The following PNPLA7 variants were observed in gnomAD, a reference collection of about 807,000 sequenced individuals.
The protein encoded by PNPLA7 is patatin-like phospholipase domain-containing protein 7.
Under a neutral mutation model 161.7 loss-of-function variants are expected in PNPLA7, and 153 were observed. The observed-to-expected ratio is 0.95, with a 90% CI of 0.83 to 1.08. The LOEUF (loss-of-function observed/expected upper bound fraction) is 1.08. PNPLA7 is among the 50% of genes least tolerant of loss of function. PNPLA7 has a pLI of 0.00. For synonymous variants in PNPLA7, 809 were observed against 782.1 expected, an observed-to-expected ratio of 1.03 and a Z score of -0.57; for missense variants, 1,739 against 1,856.6, an observed-to-expected ratio of 0.94 and a Z score of 1.16.
rs1835199296 is a variant in PNPLA7 at position 137,524,471 on chromosome 9, G to A, written c.748-1614C>T. On this transcript the variant is annotated intron_variant, in intron 8 of 34. Coordinates refer to ENST00000406427, the MANE Select transcript of PNPLA7 (RefSeq NM_001098537.3). The surrounding 1 kb of genome is among the most constrained non-coding windows in gnomAD (Gnocchi z 4.4). ...GTCTCCGTCCATTCAGCAGTCGAAG[G>A]ATATTTGTGTTGTTTCCACTGGGGA... is the stretch of plus-strand genomic sequence containing the variant. 6.6e-6 allele frequency among the ~76,000 whole-genome samples: 1 copy of A among 152,192 alleles called. No individual in the cohort carries two copies. The highest frequency in any genetic ancestry group is 1.5e-5 in the Non-Finnish European group (1 of 68,028).
chr9:137,513,676 A>G (rs1175776576), intron 12 of PNPLA7, among the ~76,000 whole-genome samples: 1 of 152,130 alleles, frequency 6.6e-6, no homozygotes, highest in East Asian at 1.9e-4. Context: ...GCCCATGGAC[A>G]AGAGGGAAGA....
At chr9:137,529,636 G>C (rs1021184766) in intron 8 of PNPLA7, among the ~76,000 whole-genome samples, 1 of 151,198 alleles carries the variant, frequency 6.6e-6, no homozygotes, top group African/African-American at 2.4e-5. Flanking sequence ...TCTGAGATTC[G>C]AGGTGAAGTT....
chr9:137,478,355 G>T (rs1003566577), intron 24 of PNPLA7: 11 of 400,532 alleles, frequency 2.7e-5, no homozygotes, highest in Admixed American at 4.5e-5. Context: ...CTCAGCTACT[G>T]GGGGGAGGAC....
At position 137,484,596 on chromosome 9, in the gene PNPLA7, T is replaced by C. The variant is rs779810540; in HGVS notation, c.2338A>G (p.Ser780Gly). Residue 780 changes from serine to glycine, a missense_variant, in exon 21 of 35, where the codon AGC becomes GGC. Ser to Gly is a moderately conservative substitution (Grantham distance 56). Around this residue, in one of 6 missense-constraint regions of PNPLA7, gnomAD observed 192 missense variants for 249.5 expected, o/e 0.77. Transcript: ENST00000406427. Reference protein sequence around the residue: ...AFALELEHALSAIGPTLLLTS... With the variant: ...AFALELEHALGAIGPTLLLTS... Reference sequence around the variant, plus strand: ...GGAGGCTCAGGCTTACCGATGGCGCTGAGGGCATGCTCCAGCTCCAGGGCG... The same window carrying C: ...GGAGGCTCAGGCTTACCGATGGCGCCGAGGGCATGCTCCAGCTCCAGGGCG... 95 of 1,607,836 alleles carry C rather than the reference T, an allele frequency of 5.9e-5. 3 individuals carry two copies. In the South Asian group the frequency reaches 1.0e-3, roughly 17 times the overall value.
At chr9:137,465,781 A>G (rs1329570523) in intron 26 of PNPLA7, among the ~76,000 whole-genome samples, 2 of 152,116 alleles carry the variant, frequency 1.3e-5, no homozygotes, top group Non-Finnish European at 2.9e-5. Flanking sequence ...GGAGAACACG[A>G]ACCCTTCTGA....
chr9:137,508,921 CAAA>C (rs1834056368), intron 12 of PNPLA7: 1 of 152,206 alleles, frequency 6.6e-6, no homozygotes, highest in African/African-American at 2.4e-5. Flanking sequence ...GGGCAAAAGA[CAAA>C]GAAGGCTATC....
rs1405925811 is a variant in PNPLA7, at chr9:137,517,172, C to T, written c.1085-1653G>A. Among the ~76,000 whole-genome samples, 6 of 140,180 alleles carry T rather than the reference C, an allele frequency of 4.3e-5. No individual in the cohort carries two copies. The South Asian group carries it at 1.2e-3, about 29-fold the overall frequency. 92.0% of individuals were successfully genotyped at this position (140,180 alleles called of 152,430 possible). A position where few individuals can be genotyped will look rare whatever the true frequency, so the allele number is the denominator to read the frequency against. On this transcript the variant is annotated intron_variant, in intron 11 of 34. Transcript: ENST00000406427. ...CACTCCACTCTGCTCACTCCATCCC[C>T]CACTCACTCACTCCACTCTGTCCAC...
chr9:137,480,221 G>T, intron 23 of PNPLA7, 91 bp downstream of exon 23: 1 of 1,466,250 alleles, frequency 6.8e-7, no homozygotes, highest in Non-Finnish European at 9.2e-7. Context: ...CTTTTTCTGA[G>T]TTTGTGCAGT....
In PNPLA7 at chr9:137,517,008, C is replaced by CCACTCACTCCACTCTGCTCACTCCATCCT. The variant is rs1564342570; in HGVS notation, c.1085-1490_1085-1489insAGGATGGAGTGAGCAGAGTGGAGTGAGTG. Among the ~76,000 whole-genome samples the CCACTCACTCCACTCTGCTCACTCCATCCT allele has an allele frequency of 3.2e-4, 36 of 112,694 alleles. 1 individual carries two copies. The highest frequency in any genetic ancestry group is 1.2e-3 in the African/African-American group (34 of 27,656). The allele number at this position is 112,694 out of a possible 152,430, so 73.9% of individuals were successfully genotyped here. A position where few individuals can be genotyped will look rare whatever the true frequency, so the allele number is the denominator to read the frequency against. On this transcript the variant is annotated intron_variant, in intron 11 of 34. Coordinates refer to ENST00000406427, the MANE Select transcript of PNPLA7 (RefSeq NM_001098537.3). ...CACTCAACTCTGTCCACTCCATCCCCCACTCACTCCACTCTGTCCACTCCA... is the reference window on the plus strand; with the variant it reads ...CACTCAACTCTGTCCACTCCATCCCCCACTCACTCCACTCTGCTCACTCCATCCTCACTCACTCCACTCTGTCCACTCCA...
At chr9:137,546,429 C>A (rs1333300594) in intron 4 of PNPLA7, among the ~76,000 whole-genome samples, 1 of 152,034 alleles carries the variant, frequency 6.6e-6, no homozygotes, top group Non-Finnish European at 1.5e-5. Context: ...ATCTTTTTGT[C>A]TTGTGTCTTT....
intron 23 of PNPLA7, chr9:137,479,571 C>T (rs933999980): frequency 1.9e-6 from 2 of 1,061,166 alleles, no homozygotes; most frequent in Non-Finnish European, 1.1e-6. Context: ...GCATCACTAG[C>T]TGCAGAACAG....
chr9:137,544,365 G>A (rs944505759), intron 4 of PNPLA7, among the ~76,000 whole-genome samples: 1 of 152,146 alleles, frequency 6.6e-6, no homozygotes, highest in Non-Finnish European at 1.5e-5. Flanking sequence ...GCTGCCCCTC[G>A]GTCCAGAGCT....
chr9:137,471,115 A>G (rs1314695402), intron 25 of PNPLA7, among the ~76,000 whole-genome samples: 4 of 152,244 alleles, frequency 2.6e-5, no homozygotes, highest in South Asian at 2.1e-4. Context: ...ACATATGCAT[A>G]TTGTACAGGA....
chr9:137,483,390 G>A (rs1015996636), intron 21 of PNPLA7, among the ~76,000 whole-genome samples: 7 of 152,168 alleles, frequency 4.6e-5, no homozygotes, highest in Non-Finnish European at 8.8e-5. Flanking sequence ...ATGTAACGAC[G>A]GTCAAGGCCA....
At chr9:137,501,566 G>T in intron 15 of PNPLA7, 84 bp downstream of exon 15, 1 of 1,357,974 alleles carries the variant, frequency 7.4e-7, no homozygotes, top group Non-Finnish European at 1.0e-6. Flanking sequence ...CTGGTGTCCA[G>T]TCCAGGCCCT....
At chr9:137,507,526 G>A (rs921574560) in intron 12 of PNPLA7, among the ~76,000 whole-genome samples, 5 of 152,102 alleles carry the variant, frequency 3.3e-5, no homozygotes, top group Non-Finnish European at 5.9e-5. Context: ...AAAATTAGCC[G>A]GGCGTGGTGG....
At position 137,524,182 on chromosome 9, in the gene PNPLA7, T is replaced by C. The variant is rs1835182547; in HGVS notation, c.748-1325A>G. On this transcript the variant is annotated intron_variant, in intron 8 of 34. Coordinates refer to ENST00000406427, the MANE Select transcript of PNPLA7 (RefSeq NM_001098537.3). This position sits in a 1 kb window ranked among gnomAD's most constrained non-coding sequence, Gnocchi z 4.4. The stretch of plus-strand genomic sequence containing the variant: ...CAGTGGTTGTGCCTTTGTCAAAATG[T>C]CACATAAATGGAGGCACAGAGTGTG... Among the ~76,000 whole-genome samples, 1 of 151,940 alleles carries C rather than the reference T, an allele frequency of 6.6e-6. No homozygotes were observed. Among genetic ancestry groups the C allele is most frequent in the South Asian group, 2.1e-4 (1 of 4,828 alleles).
intron 8 of PNPLA7, among the ~76,000 whole-genome samples, chr9:137,528,729 C>A (rs1309555459): frequency 6.8e-6 from 1 of 146,258 alleles, no homozygotes; most frequent in East Asian, 2.0e-4. Flanking sequence ...GAGATGGAGT[C>A]TCGCTCTCTT....
intron 4 of PNPLA7, among the ~76,000 whole-genome samples, chr9:137,544,234 C>T (rs539531679): frequency 2.0e-5 from 3 of 152,260 alleles, no homozygotes; most frequent in African/African-American, 4.8e-5. Flanking sequence ...CACTCTGTCC[C>T]ATATCTGGAA....
Sources: gnomAD v4.1 joint callset for allele counts (sites outside exome capture counted in the v4.1 genomes callset) on GRCh38, gnomAD v4.1.1 for gene constraint, gnomAD v4.1.1 regional missense constraint, Gnocchi (gnomAD v3.1) non-coding constraint, MANE v1.5 for transcripts, NCBI Gene and HGNC (gene_info 2026-07-23, HGNC 2026-07-21) for gene names.